Variants in CCDC178 observed in about 807,000 individuals in gnomAD.
The protein encoded by CCDC178 is coiled-coil domain-containing protein 178.
A neutral mutation model predicts 117.4 loss-of-function variants in CCDC178; 126 were observed. That is an observed-to-expected ratio of 1.07 (90% CI 0.93 to 1.24). The LOEUF (loss-of-function observed/expected upper bound fraction) is 1.24. Among genes scored for constraint, CCDC178 ranks in the 50% most tolerant of loss-of-function variants. The pLI, the probability that CCDC178 is intolerant of heterozygous loss-of-function variation, is 0.00. For missense variants in CCDC178, 1,030 were observed against 986.9 expected, an observed-to-expected ratio of 1.04 and a Z score of -0.59; for synonymous variants, 283 against 313.4, an observed-to-expected ratio of 0.90 and a Z score of 1.02.
intron 11 of CCDC178, among the ~76,000 whole-genome samples, chr18:33,315,343 A>T (rs2062401095): frequency 6.6e-6 from 1 of 152,206 alleles, no homozygotes; most frequent in Admixed American, 6.5e-5. Context: ...AAAGACATTA[A>T]AATCATCTAC....
At chr18:33,199,834 A>G in intron 20 of CCDC178, among the ~76,000 whole-genome samples, 1 of 152,160 alleles carries the variant, frequency 6.6e-6, no homozygotes, top group East Asian at 1.9e-4. Flanking sequence ...ACAGATTTCA[A>G]CTGGGCACTG....
intron 11 of CCDC178, among the ~76,000 whole-genome samples, chr18:33,295,648 G>A (rs2062097074): frequency 6.6e-6 from 1 of 152,076 alleles, no homozygotes; most frequent in Non-Finnish European, 1.5e-5. Context: ...AACAGACACT[G>A]TATGAAAAAG....
At chr18:33,331,098 TC>T (rs2062663058) in intron 10 of CCDC178, among the ~76,000 whole-genome samples, 2 of 144,126 alleles carry the variant, frequency 1.4e-5, no homozygotes, top group South Asian at 4.6e-4. Context: ...AGCCTGATCT[TC>T]CAGGTGCCTA....
At chr18:33,203,590 C>T (rs2059016586) in intron 20 of CCDC178, among the ~76,000 whole-genome samples, 2 of 152,174 alleles carry the variant, frequency 1.3e-5, no homozygotes, top group African/African-American at 4.8e-5. Flanking sequence ...TTTCCACTCT[C>T]GTTCTCTGAA....
At chr18:33,112,793 C>A (rs189525626) in intron 20 of CCDC178, among the ~76,000 whole-genome samples, 85 of 151,966 alleles carry the variant, frequency 5.6e-4, no homozygotes, top group Admixed American at 1.8e-3. Context: ...TTATTCTATA[C>A]CCTACCACAC....
At chr18:33,160,674 G>T (rs2144379392) in intron 20 of CCDC178, among the ~76,000 whole-genome samples, 1 of 152,186 alleles carries the variant, frequency 6.6e-6, no homozygotes, top group Admixed American at 6.5e-5. Context: ...ATTGCTCACA[G>T]AACAAAATCC....
Position 32,937,711 on chromosome 18 carries a change from T to G in CCDC178, c.*300A>C, listed in dbSNP as rs182444277. 2.2e-4 allele frequency: 72 copies of G among 322,154 alleles called. No homozygotes were observed. In the East Asian group the frequency reaches 3.6e-3, roughly 16 times the overall value. 20.0% of individuals were successfully genotyped at this position (322,154 alleles called of 1,614,324 possible). A position where few individuals can be genotyped will look rare whatever the true frequency, so the allele number is the denominator to read the frequency against. ...CAGTCACTGTCAACACCGCCAGTAA[T>G]TATTCTCTCTTCCAATTAATGGTGA... On this transcript the variant is annotated 3_prime_UTR_variant, in exon 23 of 23. Transcript: ENST00000383096.
At chr18:33,428,827 T>G (rs1311360623) in intron 2 of CCDC178, among the ~76,000 whole-genome samples, 2 of 120,146 alleles carry the variant, frequency 1.7e-5, no homozygotes, top group Non-Finnish European at 3.6e-5. Context: ...TGAAAAAAAG[T>G]AAAAAAAAAA....
chr18:33,437,405 C>T (rs2064307163), intron 2 of CCDC178, among the ~76,000 whole-genome samples: 1 of 152,120 alleles, frequency 6.6e-6, no homozygotes, highest in Admixed American at 6.6e-5. Context: ...CATATTGTTG[C>T]CCCTCCACCT....
At chr18:33,019,148 C>T (rs557755054) in intron 21 of CCDC178, among the ~76,000 whole-genome samples, 1 of 152,008 alleles carries the variant, frequency 6.6e-6, no homozygotes, top group Non-Finnish European at 1.5e-5. Context: ...ATCTTGCTTC[C>T]GTAGTGCCTG....
At position 33,239,452 on chromosome 18, in the gene CCDC178, G is replaced by A. The variant is rs151147023; in HGVS notation, c.1593+5793C>T. Among the ~76,000 whole-genome samples, 542 of 150,644 alleles carry A rather than the reference G, an allele frequency of 3.6e-3. 13 individuals are homozygous for A. The East Asian group carries it at 0.051, about 14-fold the overall frequency. ...AGACCCAACTATATGCTGCCTACAG[G>A]AAACTTACTTCATTAACCTGTAATG... On this transcript the variant is annotated intron_variant, in intron 15 of 22. Coordinates refer to ENST00000383096, the MANE Select transcript of CCDC178 (RefSeq NM_001105528.4).
At chr18:33,108,946 G>T (rs768060275) in intron 20 of CCDC178, among the ~76,000 whole-genome samples, 30 of 151,720 alleles carry the variant, frequency 2.0e-4, no homozygotes, top group Non-Finnish European at 4.0e-4. Context: ...AGTTATCAAG[G>T]TCTTGCTTCT....
At chr18:33,096,387 T>G (rs2057545296) in intron 20 of CCDC178, among the ~76,000 whole-genome samples, 1 of 146,402 alleles carries the variant, frequency 6.8e-6, no homozygotes, top group Non-Finnish European at 1.5e-5. Flanking sequence ...TATATAAAAA[T>G]ATAAAAATAT....
In CCDC178 at chr18:32,958,271, T is replaced by C. The variant is rs73955297; in HGVS notation, c.2523+16276A>G. On this transcript the variant is annotated intron_variant, in intron 22 of 22. Coordinates refer to ENST00000383096, the MANE Select transcript of CCDC178 (RefSeq NM_001105528.4). ...GATTATACTAAAATTATTGAGTTTGTGGCAAAAAATGCTCTTGCAAGTTTT... is the reference window on the plus strand; with the variant it reads ...GATTATACTAAAATTATTGAGTTTGCGGCAAAAAATGCTCTTGCAAGTTTT... The C allele has an allele frequency of 4.9e-3, 2,212 of 452,002 alleles. 41 individuals carry two copies. Among genetic ancestry groups the C allele is most frequent in the African/African-American group, 0.04 (1,962 of 49,460 alleles). The allele number at this position is 452,002 out of a possible 1,614,324, so 28.0% of individuals were successfully genotyped here. A position where few individuals can be genotyped will look rare whatever the true frequency, so the allele number is the denominator to read the frequency against.
At chr18:33,155,630 C>G (rs1461068439) in intron 20 of CCDC178, among the ~76,000 whole-genome samples, 1 of 152,082 alleles carries the variant, frequency 6.6e-6, no homozygotes, top group Non-Finnish European at 1.5e-5. Flanking sequence ...AATTAATTAT[C>G]TTGAATATTA....
intron 20 of CCDC178, among the ~76,000 whole-genome samples, chr18:33,096,896 T>C (rs113877459): frequency 5.3e-5 from 8 of 152,284 alleles, no homozygotes; most frequent in African/African-American, 1.7e-4. Context: ...CAGTATTTAC[T>C]GAATTTATCC....
intron 4 of CCDC178, among the ~76,000 whole-genome samples, chr18:33,390,766 A>G (rs2063553267): frequency 6.6e-6 from 1 of 152,010 alleles, no homozygotes; most frequent in Non-Finnish European, 1.5e-5. Context: ...AAAATGTATT[A>G]AATTATAAAT....
intron 22 of CCDC178, among the ~76,000 whole-genome samples, chr18:32,943,565 AT>A (rs1281695808): frequency 6.6e-6 from 1 of 152,184 alleles, no homozygotes; most frequent in African/African-American, 2.4e-5. Flanking sequence ...TACTAAATTA[AT>A]TAGCAGGAGT....
chr18:32,958,517 C>A (rs552971806), intron 22 of CCDC178, among the ~76,000 whole-genome samples: 1 of 152,068 alleles, frequency 6.6e-6, no homozygotes, highest in Middle Eastern at 3.2e-3. Flanking sequence ...ATAATTAGTT[C>A]AAGTAATGTC....
Sources: allele counts gnomAD v4.1 joint callset (sites outside exome capture counted in the v4.1 genomes callset), GRCh38; gene constraint gnomAD v4.1.1; transcripts MANE v1.5; gene names NCBI Gene and HGNC (gene_info 2026-07-23, HGNC 2026-07-21).